Variants in PTK2B observed in about 807,000 individuals in gnomAD.
PTK2B encodes protein-tyrosine kinase 2-beta.
PTK2B carries 71 observed loss-of-function variants against 142.9 expected under a neutral mutation model. The observed-to-expected ratio is 0.50, with a 90% CI of 0.41 to 0.61. PTK2B has a LOEUF of 0.61. PTK2B is among the 20% of genes least tolerant of loss of function. The pLI is 0.00. For missense variants in PTK2B, 1,105 were observed against 1,320.4 expected, an observed-to-expected ratio of 0.84 and a Z score of 2.53; for synonymous variants, 519 against 503.4, an observed-to-expected ratio of 1.03 and a Z score of -0.42.
intron 1 of PTK2B, among the ~76,000 whole-genome samples, chr8:27,330,403 A>G (rs185445454): frequency 1.0e-3 from 157 of 152,154 alleles, no homozygotes; most frequent in Non-Finnish European, 1.8e-3. Flanking sequence ...CAGGTATTCA[A>G]TGATGTTTGT....
intron 2 of PTK2B, among the ~76,000 whole-genome samples, chr8:27,415,112 G>A (rs544400682): frequency 2.6e-5 from 4 of 152,156 alleles, no homozygotes; most frequent in African/African-American, 7.2e-5. Flanking sequence ...ATTTACCTTG[G>A]GCCAAGCACC....
intron 1 of PTK2B, among the ~76,000 whole-genome samples, chr8:27,350,548 C>G (rs113697412): frequency 5.4e-5 from 8 of 146,854 alleles, no homozygotes; most frequent in Admixed American, 2.8e-4. Flanking sequence ...TCTCCAGTCC[C>G]GTGACTTCAG....
intron 1 of PTK2B, among the ~76,000 whole-genome samples, chr8:27,364,060 A>G (rs1162601945): frequency 1.3e-5 from 2 of 152,178 alleles, no homozygotes; most frequent in African/African-American, 4.8e-5. Context: ...AGGAGTCCTC[A>G]CAACAGCGCT....
At chr8:27,325,913 T>C (rs1803382744) in intron 1 of PTK2B, among the ~76,000 whole-genome samples, 1 of 152,248 alleles carries the variant, frequency 6.6e-6, no homozygotes, top group South Asian at 2.1e-4. Flanking sequence ...TTTGACACTA[T>C]AGGGTGTTTC....
intron 1 of PTK2B, among the ~76,000 whole-genome samples, chr8:27,387,634 G>A (rs1341641214): frequency 2.0e-5 from 3 of 152,172 alleles, no homozygotes; most frequent in Admixed American, 6.5e-5. Flanking sequence ...GGGATCGTGT[G>A]TGCAGAGCCC....
chr8:27,423,595 G>T (rs572200609), intron 5 of PTK2B, among the ~76,000 whole-genome samples: 4 of 152,246 alleles, frequency 2.6e-5, no homozygotes, highest in African/African-American at 9.6e-5. Flanking sequence ...ATTACTTCCT[G>T]TTTTCTAGAA....
upstream of PTK2B, chr8:27,311,284 C>T (rs886639619): frequency 4.4e-5 from 64 of 1,449,962 alleles, no homozygotes; most frequent in African/African-American, 8.7e-4. Flanking sequence ...CCGGCCCCTC[C>T]CACCCGCCCG....
In PTK2B at chr8:27,363,880, A is replaced by T. The variant is rs1321477436; in HGVS notation, c.-37-33668A>T. ...ACGATTACTCTCCCACGTGCTGGAG[A>T]TGAGGAAGTGAGGAAATACCCAGGG... is the stretch of plus-strand genomic sequence containing the variant. On this transcript the variant is annotated intron_variant, in intron 1 of 30. Transcript: ENST00000346049. The surrounding 1 kb of genome is among the most constrained non-coding windows in gnomAD (Gnocchi z 4.3). Among the ~76,000 whole-genome samples the T allele has an allele frequency of 6.6e-6, 1 of 152,086 alleles. No individual in the cohort carries two copies. The highest frequency in any genetic ancestry group is 2.4e-5 in the African/African-American group (1 of 41,400).
At chr8:27,443,198 A>G (rs1462689085) in intron 22 of PTK2B, among the ~76,000 whole-genome samples, 3 of 152,242 alleles carry the variant, frequency 2.0e-5, no homozygotes, top group African/African-American at 4.8e-5. Context: ...TGGGTCAAGA[A>G]TCATTCCTCA....
intron 1 of PTK2B, among the ~76,000 whole-genome samples, chr8:27,358,730 C>T (rs1298003401): frequency 6.6e-6 from 1 of 152,074 alleles, no homozygotes; most frequent in East Asian, 1.9e-4. Flanking sequence ...CCTTTTCTCA[C>T]CTCTTGCCTT....
chr8:27,311,128 G>C, upstream of PTK2B: 1 of 1,601,274 alleles, frequency 6.2e-7, no homozygotes, highest in Non-Finnish European at 8.5e-7. Context: ...AGTTGTGGCC[G>C]CAGCGCAGAG....
At position 27,458,414 on chromosome 8, in the gene PTK2B, G is replaced by T. The variant is rs1294947453; in HGVS notation, c.2935G>T (p.Ala979Ser). The change falls in exon 31 of 31, where the codon GCT becomes TCT. Residue 979 changes from alanine to serine, a missense_variant. Ala to Ser is a moderately conservative substitution (Grantham distance 99). Transcript: ENST00000346049. Reference sequence around the variant, plus strand: ...GGAGTGCAAGAGGCAGATGCTGACGGCTTCACACACCCTGGCTGTGGACGC... The same window carrying T: ...GGAGTGCAAGAGGCAGATGCTGACGTCTTCACACACCCTGGCTGTGGACGC... ...SEECKRQMLTASHTLAVDAKN... is the reference protein window; with the variant it reads ...SEECKRQMLTSSHTLAVDAKN... 1 of 1,612,572 alleles carries T rather than the reference G, an allele frequency of 6.2e-7. No individual in the cohort carries two copies. The highest frequency in any genetic ancestry group is 8.5e-7 in the Non-Finnish European group (1 of 1,179,312).
At chr8:27,375,451 A>C (rs1806607468) in intron 1 of PTK2B, among the ~76,000 whole-genome samples, 1 of 152,154 alleles carries the variant, frequency 6.6e-6, no homozygotes, top group African/African-American at 2.4e-5. Context: ...TTTCCAAAGC[A>C]TGCCATCATC....
At chr8:27,384,487 T>C (rs1807221382) in intron 1 of PTK2B, among the ~76,000 whole-genome samples, 1 of 152,212 alleles carries the variant, frequency 6.6e-6, no homozygotes, top group Non-Finnish European at 1.5e-5. Context: ...TGACTTCCTC[T>C]TTTCCAACTT....
intron 1 of PTK2B, among the ~76,000 whole-genome samples, chr8:27,351,117 T>A (rs1244814290): frequency 7.0e-6 from 1 of 141,902 alleles, no homozygotes; most frequent in Non-Finnish European, 1.5e-5. Context: ...GGTGGGAGGA[T>A]CACTTGAGCC....
intron 2 of PTK2B, among the ~76,000 whole-genome samples, chr8:27,409,856 G>C (rs971319852): frequency 7.2e-5 from 11 of 152,206 alleles, no homozygotes; most frequent in African/African-American, 2.6e-4. Context: ...AAGTAGCTGG[G>C]TTTTATAGGC....
rs746049600 is a variant in PTK2B at position 27,434,495 on chromosome 8, C to T, written c.1146-18C>T. The T allele has an allele frequency of 1.9e-6, 3 of 1,607,416 alleles. No homozygotes were observed. Among genetic ancestry groups the T allele is most frequent in the East Asian group, 4.5e-5 (2 of 44,640 alleles). ...GGCCTCTGAGCTCACCTGGCTTCTGCTCTCTCACCTCCTACAGAAACCTGG... is the reference window on the plus strand; with the variant it reads ...GGCCTCTGAGCTCACCTGGCTTCTGTTCTCTCACCTCCTACAGAAACCTGG... On this transcript the variant is annotated intron_variant, in intron 12 of 30. Transcript: ENST00000346049.
At chr8:27,361,270 G>T (rs541334461) in intron 1 of PTK2B, among the ~76,000 whole-genome samples, 30 of 152,222 alleles carry the variant, frequency 2.0e-4, no homozygotes, top group Non-Finnish European at 3.8e-4. Context: ...CCAGGCTGGA[G>T]TGCAGTGGTG....
intron 3 of PTK2B, among the ~76,000 whole-genome samples, chr8:27,317,685 C>G (rs1379538124): frequency 6.6e-6 from 1 of 152,240 alleles, no homozygotes; most frequent in Admixed American, 6.5e-5. Context: ...AGCTGAATAG[C>G]AGCTGCTCCC....
Sources: gnomAD v4.1 joint callset for allele counts (sites outside exome capture counted in the v4.1 genomes callset) on GRCh38, gnomAD v4.1.1 for gene constraint, Gnocchi (gnomAD v3.1) non-coding constraint, MANE v1.5 for transcripts, NCBI Gene and HGNC (gene_info 2026-07-23, HGNC 2026-07-21) for gene names.